Variants in ULK4 observed in about 807,000 individuals in gnomAD.
ULK4 encodes the protein unc-51 like kinase 4, also known as inactive serine/threonine-protein kinase ULK4.
In ULK4, 133 loss-of-function variants were observed where a neutral mutation model predicts 160.6. The ratio of observed to expected loss-of-function variants is 0.83; its 90% CI spans 0.72 to 0.96. The LOEUF (loss-of-function observed/expected upper bound fraction) is 0.96. Among genes scored for constraint, ULK4 ranks in the 40% least tolerant of loss-of-function variants. The pLI, the probability that ULK4 is intolerant of heterozygous loss-of-function variation, is 0.00. For synonymous variants in ULK4, 534 were observed against 539.8 expected (o/e 0.99, Z 0.15); for missense variants, 1,580 against 1,499.5 (o/e 1.05, Z -0.89).
intron 3 of ULK4, chr3:41,937,230 T>G: frequency 1.7e-6 from 1 of 582,442 alleles, no homozygotes; most frequent in Non-Finnish European, 3.1e-6. Flanking sequence ...GGATATTACA[T>G]CTGGTCAGAG....
intron 32 of ULK4, among the ~76,000 whole-genome samples, chr3:41,532,999 C>A (rs1415069762): frequency 1.3e-5 from 2 of 152,310 alleles, no homozygotes; most frequent in East Asian, 3.9e-4. Flanking sequence ...GCCTAGGCAG[C>A]AAGAGGCCTT....
At chr3:41,891,987 T>C (rs1273184066) in intron 16 of ULK4, among the ~76,000 whole-genome samples, 1 of 152,194 alleles carries the variant, frequency 6.6e-6, no homozygotes, top group East Asian at 1.9e-4. Context: ...GAAAACTATG[T>C]TTTTAATTAA....
At chr3:41,474,715 G>T (rs1283513530) in intron 32 of ULK4, among the ~76,000 whole-genome samples, 1 of 148,358 alleles carries the variant, frequency 6.7e-6, no homozygotes, top group Non-Finnish European at 1.5e-5. Flanking sequence ...CTCAAAAGAA[G>T]ACATACAAAT....
At chr3:41,331,816 T>C (rs540554436) in intron 35 of ULK4, among the ~76,000 whole-genome samples, 1 of 152,324 alleles carries the variant, frequency 6.6e-6, no homozygotes, top group Admixed American at 6.5e-5. Flanking sequence ...TTTGACTGGC[T>C]GTCAATTACT....
intron 32 of ULK4, among the ~76,000 whole-genome samples, chr3:41,518,107 T>C (rs1228093522): frequency 6.6e-6 from 1 of 152,110 alleles, no homozygotes; most frequent in Non-Finnish European, 1.5e-5. Flanking sequence ...CAGAAATAAT[T>C]ATGGTGGAAA....
chr3:41,265,015 C>T (rs748645579), intron 35 of ULK4, among the ~76,000 whole-genome samples: 4 of 152,188 alleles, frequency 2.6e-5, no homozygotes, highest in Non-Finnish European at 5.9e-5. Context: ...GAGAAACCAC[C>T]ATAAAGAACT....
At chr3:41,354,151 A>C (rs533929816) in intron 35 of ULK4, among the ~76,000 whole-genome samples, 1 of 152,306 alleles carries the variant, frequency 6.6e-6, no homozygotes, top group African/African-American at 2.4e-5. Context: ...ACCTGAATGC[A>C]AGGGAGGCTG....
chr3:41,801,669 G>C (rs2040463209), intron 19 of ULK4, among the ~76,000 whole-genome samples: 1 of 151,966 alleles, frequency 6.6e-6, no homozygotes, highest in South Asian at 2.1e-4. Context: ...GGGCAACATA[G>C]CAAGACCTTT....
chr3:41,431,150 C>T (rs762199645), intron 34 of ULK4, among the ~76,000 whole-genome samples: 12 of 152,088 alleles, frequency 7.9e-5, no homozygotes, highest in Non-Finnish European at 1.8e-4. Flanking sequence ...GGGATGAAGA[C>T]TATTCTGGCC....
At chr3:41,871,394 A>G (rs1697087181) in intron 17 of ULK4, among the ~76,000 whole-genome samples, 3 of 152,234 alleles carry the variant, frequency 2.0e-5, no homozygotes, top group Admixed American at 2.0e-4. Context: ...GATATGTAAT[A>G]TGGAGTTAAA....
intron 17 of ULK4, among the ~76,000 whole-genome samples, chr3:41,860,930 T>G (rs2042486023): frequency 6.6e-6 from 1 of 152,186 alleles, no homozygotes; most frequent in African/African-American, 2.4e-5. Context: ...GGCTTGAGGT[T>G]ACCATGAGGC....
intron 29 of ULK4, among the ~76,000 whole-genome samples, chr3:41,667,276 C>T (rs7620269): frequency 6.0e-4 from 91 of 152,196 alleles, no homozygotes; most frequent in African/African-American, 2.0e-3. Context: ...AAGAATAAAG[C>T]TTATACTAGC....
At chr3:41,623,525 C>T (rs1214020884) in intron 30 of ULK4, among the ~76,000 whole-genome samples, 4 of 152,170 alleles carry the variant, frequency 2.6e-5, no homozygotes, top group Non-Finnish European at 5.9e-5. Context: ...CAATGGAATA[C>T]TCATCAGCCT....
chr3:41,789,290 A>T (rs559442775), intron 21 of ULK4, among the ~76,000 whole-genome samples: 2 of 152,330 alleles, frequency 1.3e-5, no homozygotes, highest in South Asian at 4.1e-4. Flanking sequence ...AATAGGTCAG[A>T]GCAAGCAGAA....
In ULK4 at chr3:41,435,525, A is replaced by T. The variant is rs75970044; in HGVS notation, c.3492+19972T>A. Among the ~76,000 whole-genome samples the T allele has an allele frequency of 5.4e-3, 830 of 152,326 alleles. 9 individuals are homozygous for T. Among genetic ancestry groups the T allele is most frequent in the African/African-American group, 0.019 (790 of 41,580 alleles). On this transcript the variant is annotated intron_variant, in intron 34 of 36. Transcript: ENST00000301831. ...TATAGGTGTGGCCCAAAATAACTCA[A>T]ATTGTTAAATAAGGTTCTATCTGAG...
At chr3:41,554,606 A>T (rs1347577163) in intron 32 of ULK4, among the ~76,000 whole-genome samples, 1 of 152,212 alleles carries the variant, frequency 6.6e-6, no homozygotes. Flanking sequence ...GGGTACAAAC[A>T]TATACCGAGA....
intron 32 of ULK4, among the ~76,000 whole-genome samples, chr3:41,473,141 A>G (rs2125888498): frequency 6.6e-6 from 1 of 152,346 alleles, no homozygotes; most frequent in East Asian, 1.9e-4. Context: ...ATTACATTCA[A>G]TGATGAAAAA....
intron 17 of ULK4, among the ~76,000 whole-genome samples, chr3:41,876,832 C>G (rs781123912): frequency 6.6e-6 from 1 of 152,096 alleles, no homozygotes; most frequent in Non-Finnish European, 1.5e-5. Flanking sequence ...TTGGAAGTTA[C>G]GGTAACTTCC....
intron 19 of ULK4, among the ~76,000 whole-genome samples, chr3:41,803,483 TTTA>T (rs966057615): frequency 5.6e-4 from 85 of 151,914 alleles, no homozygotes; most frequent in African/African-American, 1.8e-3. Flanking sequence ...AGCTTTCTTT[TTTA>T]TTATTATTAT....
Sources: gnomAD v4.1 joint callset for allele counts (sites outside exome capture counted in the v4.1 genomes callset) on GRCh38, gnomAD v4.1.1 for gene constraint, MANE v1.5 for transcripts, NCBI Gene and HGNC (gene_info 2026-07-23, HGNC 2026-07-21) for gene names.